The following PFKM variants were observed in gnomAD, a reference collection of about 807,000 sequenced individuals.
PFKM encodes ATP-dependent 6-phosphofructokinase, muscle type.
PFKM carries 58 observed loss-of-function variants against 95.5 expected under a neutral mutation model. The ratio of observed to expected loss-of-function variants is 0.61; its 90% CI spans 0.49 to 0.76. The LOEUF is 0.76. Among genes scored for constraint, PFKM ranks in the 30% least tolerant of loss-of-function variants. The pLI is 0.00. For synonymous variants in PFKM, 336 were observed against 357.2 expected (o/e 0.94, Z 0.67); for missense variants, 678 against 1,005.4 (o/e 0.67, Z 4.40).
At chr12:48,114,120 C>T (rs1291237421) in intron 3 of PFKM, among the ~76,000 whole-genome samples, 3 of 152,148 alleles carry the variant, frequency 2.0e-5, no homozygotes, top group Non-Finnish European at 4.4e-5. Context: ...CTAATGCCTT[C>T]CTGGAGGTGT....
chr12:48,141,479 G>C lies in PFKM; in HGVS notation c.1412+98G>C, dbSNP rs1950570936. On this transcript the variant is annotated intron_variant, in intron 15 of 22. Coordinates refer to ENST00000359794, the MANE Select transcript of PFKM (RefSeq NM_000289.6). The stretch of plus-strand genomic sequence containing the variant: ...CATGGTCTGCTTCAACCACCCTGTT[G>C]TCTGGGTCCTCCACCCTCAACCTCA... 5 of 1,057,606 alleles carry C rather than the reference G, an allele frequency of 4.7e-6. No homozygotes were observed. The South Asian group carries it at 6.4e-5, about 13-fold the overall frequency. 65.5% of individuals were successfully genotyped at this position (1,057,606 alleles called of 1,614,324 possible).
intron 2 of PFKM, among the ~76,000 whole-genome samples, 171 bp downstream of exon 2, chr12:48,123,030 G>T (rs1032521376): frequency 6.6e-6 from 1 of 152,120 alleles, no homozygotes; most frequent in Non-Finnish European, 1.5e-5. Context: ...TTTGCCATGC[G>T]TTTATTTACC....
chr12:48,141,422 T>G, intron 15 of PFKM, 41 bp downstream of exon 15: 1 of 1,556,880 alleles, frequency 6.4e-7, no homozygotes, highest in East Asian at 2.2e-5. Flanking sequence ...AGTCACCTCT[T>G]AAAGTTGCCC....
intron 2 of PFKM, among the ~76,000 whole-genome samples, chr12:48,125,766 A>G (rs1948775174): frequency 6.6e-6 from 1 of 151,872 alleles, no homozygotes; most frequent in South Asian, 2.1e-4. Context: ...GGCCTTTTCT[A>G]TTTTTAAAGG....
upstream of PFKM, among the ~76,000 whole-genome samples, chr12:48,117,581 A>G (rs1947782361): frequency 6.6e-6 from 1 of 152,240 alleles, no homozygotes; most frequent in African/African-American, 2.4e-5. Flanking sequence ...CTAATGACAT[A>G]TGATGTTGAC....
chr12:48,108,253 G>C (rs1946882668), intron 3 of PFKM: 3 of 1,511,128 alleles, frequency 2.0e-6, no homozygotes, highest in South Asian at 1.2e-5. Context: ...AGTGAAAGTT[G>C]TATGCATAGT....
chr12:48,136,029 C>T (rs1346897123), intron 10 of PFKM, among the ~76,000 whole-genome samples: 2 of 152,144 alleles, frequency 1.3e-5, no homozygotes, highest in African/African-American at 2.4e-5. Context: ...GCTGGGACTA[C>T]AGGCGCCTGG....
intron 1 of PFKM, 78 bp from the exon 2 acceptor site, chr12:48,122,689 C>T: frequency 1.2e-6 from 2 of 1,603,106 alleles, no homozygotes; most frequent in Middle Eastern, 1.7e-4. Context: ...TGGCTCTAGC[C>T]AGTCTAATTG....
intron 11 of PFKM, among the ~76,000 whole-genome samples, chr12:48,138,692 G>A (rs996288841): frequency 6.6e-6 from 1 of 152,174 alleles, no homozygotes; most frequent in African/African-American, 2.4e-5. Context: ...TAAGGCCGGG[G>A]ACCTGGGTGT....
intron 9 of PFKM, 112 bp downstream of exon 9, chr12:48,135,150 G>T: frequency 1.8e-6 from 2 of 1,108,802 alleles, no homozygotes; most frequent in Non-Finnish European, 2.7e-6. Context: ...TCTCTCCCTG[G>T]TTCCCTGCCC....
chr12:48,114,724 A>G (rs1947520110), upstream of PFKM, among the ~76,000 whole-genome samples: 1 of 152,186 alleles, frequency 6.6e-6, no homozygotes, highest in South Asian at 2.1e-4. Flanking sequence ...CAAAGTGTGA[A>G]AAATGCCTGG....
intron 4 of PFKM, among the ~76,000 whole-genome samples, chr12:48,132,563 T>G (rs1349618982): frequency 1.3e-5 from 2 of 152,234 alleles, no homozygotes; most frequent in East Asian, 3.8e-4. Context: ...GGAGATTATT[T>G]GAGAAGCCAA....
At chr12:48,128,998 A>C (rs916424115) in intron 2 of PFKM, among the ~76,000 whole-genome samples, 1 of 152,142 alleles carries the variant, frequency 6.6e-6, no homozygotes, top group African/African-American at 2.4e-5. Context: ...GCAGAGGATC[A>C]GTGCATTGTT....
intron 1 of PFKM, chr12:48,119,781 T>C (rs1206638319): frequency 6.6e-6 from 1 of 152,226 alleles, no homozygotes; most frequent in East Asian, 1.9e-4. Flanking sequence ...TTTAGAGATA[T>C]GTTTTAATAT....
At chr12:48,119,975 A>T (rs2137782232) in intron 1 of PFKM, 1 of 152,170 alleles carries the variant, frequency 6.6e-6, no homozygotes, top group East Asian at 1.9e-4. Flanking sequence ...TTTCTCCCTC[A>T]CTGACGCTTC....
chr12:48,123,525 T>C (rs1430104621), intron 2 of PFKM, among the ~76,000 whole-genome samples: 1 of 76,326 alleles, frequency 1.3e-5, no homozygotes, highest in Non-Finnish European at 3.1e-5. Context: ...AAGAGGGTAT[T>C]GATTTTTTTA....
intron 2 of PFKM, among the ~76,000 whole-genome samples, chr12:48,124,980 A>G (rs1416818804): frequency 6.6e-6 from 1 of 152,134 alleles, no homozygotes; most frequent in African/African-American, 2.4e-5. Context: ...GCCACATGGG[A>G]AAGTGAGATT....
intron 3 of PFKM, among the ~76,000 whole-genome samples, chr12:48,112,880 T>A (rs1375130061): frequency 6.6e-6 from 1 of 152,100 alleles, no homozygotes; most frequent in Non-Finnish European, 1.5e-5. Context: ...GATGGGATAT[T>A]GGCATTGAGT....
exon 3 of PFKM, chr12:48,108,140 C>T (rs756600345): frequency 6.3e-7 from 1 of 1,599,164 alleles, no homozygotes; most frequent in Non-Finnish European, 8.5e-7. Context: ...CTTGAAGAGT[C>T]TAGATACTAT....
Sources: gnomAD v4.1 joint callset for allele counts (sites outside exome capture counted in the v4.1 genomes callset) on GRCh38, gnomAD v4.1.1 for gene constraint, MANE v1.5 for transcripts, NCBI Gene and HGNC (gene_info 2026-07-23, HGNC 2026-07-21) for gene names.